CDH18: variants seen among roughly 807,000 people sequenced by gnomAD.
The protein encoded by CDH18 is cadherin 18, also known as cadherin-18.
In CDH18, 31 loss-of-function variants were observed where a neutral mutation model predicts 67.9. The ratio of observed to expected loss-of-function variants is 0.46; its 90% CI spans 0.34 to 0.62. CDH18 has a LOEUF of 0.62. CDH18 is among the 20% of genes least tolerant of loss of function. The pLI, the probability that CDH18 is intolerant of heterozygous loss-of-function variation, is 0.01. For missense variants in CDH18, 890 were observed against 975.5 expected (o/e 0.91, Z 1.17); for synonymous variants, 362 against 347.2 (o/e 1.04, Z -0.48).
At chr5:19,881,304 G>A (rs1787611968) in intron 2 of CDH18, among the ~76,000 whole-genome samples, 1 of 152,014 alleles carries the variant, frequency 6.6e-6, no homozygotes, top group African/African-American at 2.4e-5. Flanking sequence ...ATTGATTAAA[G>A]GTCAATACTC....
chr5:19,546,184 C>T (rs559559904), intron 8 of CDH18, among the ~76,000 whole-genome samples: 1 of 152,208 alleles, frequency 6.6e-6, no homozygotes, highest in African/African-American at 2.4e-5. Flanking sequence ...TCAAGAATAA[C>T]ATCAGAAAAT....
intron 2 of CDH18, among the ~76,000 whole-genome samples, chr5:20,178,688 T>C (rs556999425): frequency 6.6e-6 from 1 of 151,878 alleles, no homozygotes; most frequent in African/African-American, 2.4e-5. Flanking sequence ...AGTGGGGGTA[T>C]GCAGACACTA....
At chr5:19,590,491 TAGATAGATAGATAGATAGACAGACAGAC>T (rs1338667394) in intron 7 of CDH18, among the ~76,000 whole-genome samples, 13 of 151,736 alleles carry the variant, frequency 8.6e-5, no homozygotes, top group Non-Finnish European at 1.3e-4. Context: ...GATGGATAGA[TAGATAGATAGATAGATAGACAGACAGAC>T]AGATAGATAG....
intron 2 of CDH18, among the ~76,000 whole-genome samples, chr5:19,904,561 C>T (rs78124738): frequency 2.6e-5 from 4 of 152,064 alleles, no homozygotes; most frequent in Admixed American, 6.5e-5. Context: ...TCTCTTTATA[C>T]GTAAGTTCTT....
At chr5:20,509,474 C>T (rs1754883423) in intron 1 of CDH18, among the ~76,000 whole-genome samples, 1 of 149,692 alleles carries the variant, frequency 6.7e-6, no homozygotes, top group Non-Finnish European at 1.5e-5. Context: ...ACGATCTTCA[C>T]TCACTGTAAT....
At chr5:19,549,013 G>C (rs1359050763) in intron 8 of CDH18, among the ~76,000 whole-genome samples, 5 of 152,096 alleles carry the variant, frequency 3.3e-5, no homozygotes, top group African/African-American at 1.2e-4. Flanking sequence ...GCCTCCCAAA[G>C]TGCTGGGATA....
At chr5:20,216,385 A>G (rs1041099701) in intron 2 of CDH18, among the ~76,000 whole-genome samples, 3 of 151,938 alleles carry the variant, frequency 2.0e-5, no homozygotes, top group African/African-American at 7.2e-5. Flanking sequence ...AGGAGATATG[A>G]CTGATAAACA....
intron 2 of CDH18, among the ~76,000 whole-genome samples, chr5:19,960,563 G>A (rs7720915): frequency 1.6e-4 from 7 of 43,556 alleles, no homozygotes; most frequent in African/African-American, 4.3e-4. Flanking sequence ...GTGTGTGTAT[G>A]TGTGTGTGTG....
chr5:20,531,771 A>G (rs547318874), intron 1 of CDH18, among the ~76,000 whole-genome samples: 1 of 152,278 alleles, frequency 6.6e-6, no homozygotes, highest in African/African-American at 2.4e-5. Context: ...GCATTAGGAT[A>G]AAGAGCTAAT....
At chr5:20,060,381 T>A (rs1044195262) in intron 2 of CDH18, among the ~76,000 whole-genome samples, 4 of 151,982 alleles carry the variant, frequency 2.6e-5, no homozygotes, top group Non-Finnish European at 5.9e-5. Context: ...GGAGAATCGC[T>A]TGAAGCCAGG....
At chr5:20,538,918 T>C (rs1342000263) in intron 1 of CDH18, among the ~76,000 whole-genome samples, 1 of 145,334 alleles carries the variant, frequency 6.9e-6, no homozygotes, top group Non-Finnish European at 1.5e-5. Flanking sequence ...TGTTTTTTTT[T>C]TTTTTTGTCG....
intron 1 of CDH18, among the ~76,000 whole-genome samples, chr5:20,560,148 TC>T (rs1758119566): frequency 6.6e-6 from 1 of 152,106 alleles, no homozygotes; most frequent in South Asian, 2.1e-4. Context: ...GCCATCAGGC[TC>T]CCGTGCTGTC....
chr5:20,204,013 T>G (rs1739676179), intron 2 of CDH18, among the ~76,000 whole-genome samples: 1 of 151,868 alleles, frequency 6.6e-6, no homozygotes, highest in Admixed American at 6.6e-5. Flanking sequence ...GAAAATTATC[T>G]GAAAAGACAA....
At chr5:20,304,741 A>G in intron 1 of CDH18, 3 of 1,611,314 alleles carry the variant, frequency 1.9e-6, no homozygotes, top group South Asian at 1.1e-5. Flanking sequence ...GCCATGAAAC[A>G]AAAACGCTGA....
intron 2 of CDH18, among the ~76,000 whole-genome samples, chr5:20,007,638 GTTTA>G (rs1737017303): frequency 2.0e-5 from 3 of 149,078 alleles, no homozygotes; most frequent in Admixed American, 6.7e-5. Flanking sequence ...AATCAGAGAT[GTTTA>G]TTTAATAGTT....
intron 2 of CDH18, among the ~76,000 whole-genome samples, chr5:19,863,962 C>T (rs2149992005): frequency 6.6e-6 from 1 of 152,016 alleles, no homozygotes; most frequent in East Asian, 1.9e-4. Context: ...TTGTGGAAGT[C>T]AGTGTGGTGA....
intron 3 of CDH18, among the ~76,000 whole-genome samples, chr5:19,793,921 G>A (rs1776610003): frequency 6.6e-6 from 1 of 151,964 alleles, no homozygotes; most frequent in South Asian, 2.1e-4. Context: ...GTATAAAAAT[G>A]GTAAGTTTGG....
intron 2 of CDH18, among the ~76,000 whole-genome samples, chr5:20,168,102 C>G (rs1736436112): frequency 6.6e-6 from 1 of 152,134 alleles, no homozygotes; most frequent in Non-Finnish European, 1.5e-5. Flanking sequence ...GTTCCTTTGA[C>G]TAGCTGCTGA....
At chr5:19,917,342 C>G (rs1021373985) in intron 2 of CDH18, among the ~76,000 whole-genome samples, 1 of 149,986 alleles carries the variant, frequency 6.7e-6, no homozygotes, top group African/African-American at 2.5e-5. Flanking sequence ...TCTTTCCCCC[C>G]CCGCCCCCTT....
Sources: gnomAD v4.1 joint callset for allele counts (sites outside exome capture counted in the v4.1 genomes callset) on GRCh38, gnomAD v4.1.1 for gene constraint, MANE v1.5 for transcripts, NCBI Gene and HGNC (gene_info 2026-07-23, HGNC 2026-07-21) for gene names.